SLC25A29: variants seen among roughly 807,000 people sequenced by gnomAD.
SLC25A29 encodes the protein solute carrier family 25 member 29.
SLC25A29 carries 13 observed loss-of-function variants against 10.0 expected under a neutral mutation model. The observed-to-expected ratio is 1.30, with a 90% CI of 0.85 to 2.07. The LOEUF (loss-of-function observed/expected upper bound fraction) is 2.07, where lower values mean the gene tolerates loss of function less well. Among genes scored for constraint, SLC25A29 ranks in the 30% most tolerant of loss-of-function variants. The pLI is 0.00. For synonymous variants in SLC25A29, 244 were observed against 221.1 expected, an observed-to-expected ratio of 1.10 and a Z score of -0.92; for missense variants, 475 against 447.6, an observed-to-expected ratio of 1.06 and a Z score of -0.55.
downstream of SLC25A29, among the ~76,000 whole-genome samples, chr14:100,290,139 G>A (rs1238663068): frequency 6.6e-6 from 1 of 152,208 alleles, no homozygotes; most frequent in Admixed American, 6.5e-5. Flanking sequence ...GTCACGTTGG[G>A]GCCTTTCTAG....
In SLC25A29 at chr14:100,292,929, T is replaced by C; in HGVS notation, c.266A>G (p.His89Arg). The change falls in exon 4 of 4, where the codon CAC becomes CGC. Residue 89 changes from histidine to arginine, a missense_variant. Physicochemically the swap from His to Arg is conservative, Grantham distance 29 (BLOSUM62 0). Coordinates refer to ENST00000359232, the MANE Select transcript of SLC25A29 (RefSeq NM_001039355.3). Reference sequence around the variant, plus strand: ...CAGGAACTGGTTGAGGGGCGAGTCGTGGCCCAGGGCCCGGAGGGTGTTGCC... The same window carrying C: ...CAGGAACTGGTTGAGGGGCGAGTCGCGGCCCAGGGCCCGGAGGGTGTTGCC... The part of the protein sequence containing the change: ...VQGNTLRALG[H>R]DSPLNQFLAG... The C allele has an allele frequency of 1.2e-6, 2 of 1,607,984 alleles. No individual in the cohort carries two copies. The highest frequency in any genetic ancestry group is 1.7e-6 in the Non-Finnish European group (2 of 1,178,158).
In SLC25A29 at chr14:100,292,036, T is replaced by G; in HGVS notation, c.*247A>C. 1.9e-6 allele frequency: 1 copy of G among 525,504 alleles called. No homozygotes were observed. The highest frequency in any genetic ancestry group is 2.1e-5 in the South Asian group (1 of 47,170). The allele number at this position is 525,504 out of a possible 1,614,324, so 32.6% of individuals were successfully genotyped here. A position where few individuals can be genotyped will look rare whatever the true frequency, so the allele number is the denominator to read the frequency against. ...AGCCAGGCCAGGTGCTGGCTGCTGC[T>G]GGGAATAATCTCTGAGCTTCGTGAC... On this transcript the variant is annotated 3_prime_UTR_variant, in exon 4 of 4. Coordinates refer to ENST00000359232, the MANE Select transcript of SLC25A29 (RefSeq NM_001039355.3).
At chr14:100,288,551 G>A (rs574134765), downstream of SLC25A29, among the ~76,000 whole-genome samples, 1 of 151,944 alleles carries the variant, frequency 6.6e-6, no homozygotes, top group East Asian at 1.9e-4. Context: ...TGAACGTCTG[G>A]CCCTGCTGTC....
intron 1 of SLC25A29, chr14:100,299,547 T>A (rs1892402843): frequency 2.0e-6 from 2 of 985,806 alleles, no homozygotes; most frequent in African/African-American, 3.5e-5. Flanking sequence ...TGTGCGGTCA[T>A]CCTTGGTTCT....
In SLC25A29 at chr14:100,292,977, T is replaced by C. The variant is rs943381082; in HGVS notation, c.218A>G (p.Asn73Ser). ...GSPLMGLTFI[N>S]ALVFGVQGNT... The stretch of plus-strand genomic sequence containing the variant: ...GCCCTGCACCCCGAACACCAGCGCG[T>C]TGATGAAGGTGAGCCCCATGAGCGG... The change falls in exon 4 of 4, where the codon AAC becomes AGC. Residue 73 changes from asparagine to serine, a missense_variant. Coordinates refer to ENST00000359232, the MANE Select transcript of SLC25A29 (RefSeq NM_001039355.3). 22 of 1,596,818 alleles carry C rather than the reference T, an allele frequency of 1.4e-5. No individual in the cohort carries two copies. Among genetic ancestry groups the C allele is most frequent in the East Asian group, 4.5e-5 (2 of 44,434 alleles).
chr14:100,298,933 G>C lies in SLC25A29; in HGVS notation c.35-48C>G, dbSNP rs766599160. On this transcript the variant is annotated intron_variant, in intron 1 of 3. Transcript: ENST00000359232. ...GTGACCCACATACCTCAGAAACACA[G>C]TGCAGGGTGCTGGGCAGGAGGGGGT... The C allele has an allele frequency of 2.9e-5, 46 of 1,609,718 alleles. 1 individual carries two copies. Among genetic ancestry groups the C allele is most frequent in the Non-Finnish European group, 3.7e-5 (44 of 1,176,756 alleles).
intron 2 of SLC25A29, chr14:100,295,549 G>A: frequency 1.6e-6 from 2 of 1,262,338 alleles, no homozygotes; most frequent in South Asian, 1.3e-5. Context: ...TGCTACGGAG[G>A]GAACTCTGGG....
chr14:100,285,728 G>T, the SLC25A29 span, among the ~76,000 whole-genome samples: 1 of 152,262 alleles, frequency 6.6e-6, no homozygotes, highest in African/African-American at 2.4e-5. Context: ...CAGGGACACG[G>T]GGCAGGGCGG....
chr14:100,293,022 A>G lies in SLC25A29; in HGVS notation c.173T>C (p.Leu58Pro). Residue 58 changes from leucine to proline, a missense_variant, in exon 4 of 4, where the codon CTG (leucine) becomes CCG (proline). Coordinates refer to ENST00000359232, the MANE Select transcript of SLC25A29 (RefSeq NM_001039355.3). ...GAGCGGCGAGCCCAGGCCCTTGTAC[A>G]GGCCCAGCACCTGCGGGGACAGAGA... ...SIIKQESVLG[L>P]YKGLGSPLMG... 6.4e-7 allele frequency: 1 copy of G among 1,555,114 alleles called. No individual in the cohort carries two copies. The highest frequency in any genetic ancestry group is 8.7e-7 in the Non-Finnish European group (1 of 1,152,876).
Position 100,292,898 on chromosome 14 carries a change from A to G in SLC25A29, c.297T>C (p.Gly99=), listed in dbSNP as rs763134615. The stretch of plus-strand genomic sequence containing the variant: ...CGCACTGGATGGCGCCCGCCGCCGC[A>G]CCTGCCAGGAACTGGTTGAGGGGCG... ...HDSPLNQFLA[G]AAAGAIQCVI... Residue 99 remains glycine, a synonymous_variant, in exon 4 of 4, where the codon GGT becomes GGC. Transcript: ENST00000359232. 8.7e-6 allele frequency: 14 copies of G among 1,606,854 alleles called. No homozygotes were observed. The highest frequency in any genetic ancestry group is 1.2e-5 in the Non-Finnish European group (14 of 1,177,934).
chr14:100,293,156 C>T lies in SLC25A29; in HGVS notation c.163-124G>A, dbSNP rs183930633. On this transcript the variant is annotated intron_variant, in intron 3 of 3. Transcript: ENST00000359232. The stretch of plus-strand genomic sequence containing the variant: ...GGCTCCTGAGGACCAAGCAGAATTT[C>T]GTTAGAACCTAGGTCCTGACTGGCC... 1.7e-4 allele frequency: 251 copies of T among 1,450,088 alleles called. 1 individual carries two copies. In the African/African-American group the frequency reaches 3.4e-3, roughly 20 times the overall value. The allele number at this position is 1,450,088 out of a possible 1,614,324, so 89.8% of individuals were successfully genotyped here.
At chr14:100,278,775 ATCTGTAC>A in the SLC25A29 span, 1 of 152,306 alleles carries the variant, frequency 6.6e-6, no homozygotes, top group African/African-American at 2.4e-5. Context: ...TGAGTGAAGC[ATCTGTAC>A]CACCGCGCAG....
rs1414191102 is a variant in SLC25A29, at chr14:100,291,566, G to C, written c.*717C>G. The stretch of plus-strand genomic sequence containing the variant: ...GGAAGGATTTCTCCTTGCCACAGCT[G>C]CATCACACTTGAACTGTCCAGACCT... On this transcript the variant is annotated 3_prime_UTR_variant, in exon 4 of 4. Transcript: ENST00000359232. The C allele has an allele frequency of 1.3e-5, 2 of 152,366 alleles. No homozygotes were observed. The highest frequency in any genetic ancestry group is 2.9e-5 in the Non-Finnish European group (2 of 68,158). The allele number at this position is 152,366 out of a possible 1,614,324, so 9.4% of individuals were successfully genotyped here. A position where few individuals can be genotyped will look rare whatever the true frequency, so the allele number is the denominator to read the frequency against.
the SLC25A29 span, chr14:100,279,128 G>C: frequency 3.3e-5 from 5 of 152,296 alleles, no homozygotes; most frequent in Admixed American, 2.0e-4. Flanking sequence ...TTAAATGTAC[G>C]ATTATAATGT....
At chr14:100,302,465 T>C (rs1030364370) in intron 1 of SLC25A29, among the ~76,000 whole-genome samples, 27 of 151,652 alleles carry the variant, frequency 1.8e-4, no homozygotes, top group Non-Finnish European at 3.4e-4. Flanking sequence ...GTTTAAGTGA[T>C]TCTCCTGCCT....
intron 1 of SLC25A29, chr14:100,299,267 G>A (rs1163574078): frequency 9.5e-7 from 1 of 1,052,858 alleles, no homozygotes; most frequent in African/African-American, 1.7e-5. Context: ...AGGCTCCAGA[G>A]ATGTTGGACT....
rs74643943 is a variant in SLC25A29, at chr14:100,302,362, CT to C, written c.35-3478del. On this transcript the variant is annotated intron_variant, in intron 1 of 3. Coordinates refer to ENST00000359232, the MANE Select transcript of SLC25A29 (RefSeq NM_001039355.3). The stretch of plus-strand genomic sequence containing the variant: ...AGCTCGGCCCAAAATCTATTTCTTT[CT>C]TTTTTTTTTTTTTTTTGAGATAGTC... Among the ~76,000 whole-genome samples the C allele has an allele frequency of 4.5e-3, 608 of 133,994 alleles. 5 individuals are homozygous for C. The highest frequency in any genetic ancestry group is 0.037 in the East Asian group (173 of 4,646). 87.9% of individuals were successfully genotyped at this position (133,994 alleles called of 152,430 possible).
chr14:100,284,068 T>C, the SLC25A29 span, among the ~76,000 whole-genome samples: 3 of 152,080 alleles, frequency 2.0e-5, no homozygotes, highest in Admixed American at 6.6e-5. Context: ...AGAACACATA[T>C]GTACCCAGTG....
chr14:100,286,247 C>T (rs1258180654), downstream of SLC25A29, among the ~76,000 whole-genome samples: 2 of 152,150 alleles, frequency 1.3e-5, no homozygotes, highest in African/African-American at 4.8e-5. Flanking sequence ...GCACCCCTGG[C>T]CCTCATGGAG....
Sources: allele counts gnomAD v4.1 joint callset (sites outside exome capture counted in the v4.1 genomes callset), GRCh38; gene constraint gnomAD v4.1.1; transcripts MANE v1.5; gene names NCBI Gene and HGNC (gene_info 2026-07-23, HGNC 2026-07-21).